ETV1: variants seen among roughly 807,000 people sequenced by gnomAD.
The protein encoded by ETV1 is ETS translocation variant 1.
In ETV1, 27 loss-of-function variants were observed where a neutral mutation model predicts 62.3. The observed-to-expected ratio is 0.43, with a 90% confidence interval of 0.32 to 0.60. The LOEUF (loss-of-function observed/expected upper bound fraction) is 0.60, where lower values mean the gene tolerates loss of function less well. Ranked by LOEUF, ETV1 falls within the 20% of genes least tolerant of loss-of-function variation. The probability of loss-of-function intolerance (pLI) is 0.06; values close to 1 mark genes in which losing one functional copy is unlikely to be tolerated. For synonymous variants in ETV1, 222 were observed against 199.6 expected, an observed-to-expected ratio of 1.11 and a Z score of -0.94; for missense variants, 605 against 605.8, an observed-to-expected ratio of 1.00 and a Z score of 0.01.
chr7:13,945,739 G>C (rs1292800700), intron 6 of ETV1, among the ~76,000 whole-genome samples: 1 of 152,174 alleles, frequency 6.6e-6, no homozygotes, highest in Non-Finnish European at 1.5e-5. Flanking sequence ...TCATCACAGG[G>C]CTGAGAATCT....
intron 12 of ETV1, among the ~76,000 whole-genome samples, chr7:13,901,496 T>C (rs1318108372): frequency 4.6e-5 from 7 of 152,280 alleles, no homozygotes; most frequent in Non-Finnish European, 1.0e-4. Flanking sequence ...TTTATCCTTC[T>C]TGGTTTTTCA....
At chr7:13,896,350 G>A (rs1781772929) in intron 13 of ETV1, among the ~76,000 whole-genome samples, 1 of 152,050 alleles carries the variant, frequency 6.6e-6, no homozygotes, top group African/African-American at 2.4e-5. Context: ...GGAAGCACAG[G>A]AATTTGCTTG....
intron 6 of ETV1, among the ~76,000 whole-genome samples, chr7:13,953,621 TCCTGGCTACTGAGTGACTATGAAGACA>T: frequency 6.6e-6 from 1 of 151,356 alleles, no homozygotes; most frequent in African/African-American, 2.4e-5. Context: ...AGGTGCTTTG[TCCTGGCTACTGAGTGACTATGAAGACA>T]GGTTCTTCCC....
At chr7:13,916,337 A>T (rs943456852) in intron 9 of ETV1, among the ~76,000 whole-genome samples, 2 of 152,140 alleles carry the variant, frequency 1.3e-5, no homozygotes, top group Non-Finnish European at 2.9e-5. Context: ...AAATCTTAAA[A>T]AAAAGAGAGA....
chr7:13,906,025 G>T (rs1782919459), intron 12 of ETV1, among the ~76,000 whole-genome samples: 5 of 152,076 alleles, frequency 3.3e-5, no homozygotes, highest in African/African-American at 1.2e-4. Flanking sequence ...AATAATGATT[G>T]CTAATTTGAA....
At chr7:13,906,342 A>G in intron 12 of ETV1, 88 bp downstream of exon 12, 1 of 871,758 alleles carries the variant, frequency 1.1e-6, no homozygotes, top group Non-Finnish European at 1.6e-6. Flanking sequence ...AATGATTAAG[A>G]ATACATTTTT....
chr7:13,914,519 A>C (rs1783929896), intron 9 of ETV1, among the ~76,000 whole-genome samples: 1 of 152,094 alleles, frequency 6.6e-6, no homozygotes, highest in Non-Finnish European at 1.5e-5. Context: ...AGTTAAGAAG[A>C]ATAATAAACT....
chr7:13,988,955 C>G, intron 3 of ETV1, 53 bp downstream of exon 3: 1 of 1,530,726 alleles, frequency 6.5e-7, no homozygotes, highest in South Asian at 1.2e-5. Flanking sequence ...TCCCTCTCCC[C>G]ACCCCCGACG....
intron 6 of ETV1, among the ~76,000 whole-genome samples, chr7:13,950,241 C>G (rs1389068765): frequency 1.3e-5 from 2 of 152,096 alleles, no homozygotes; most frequent in Admixed American, 6.6e-5. Flanking sequence ...AATATGCCCC[C>G]ACCTTGCTTC....
intron 6 of ETV1, among the ~76,000 whole-genome samples, chr7:13,974,381 G>C (rs77613167): frequency 0.12 from 17,733 of 152,236 alleles, 1,197 homozygotes; most frequent in South Asian, 0.19. Context: ...GACAGTCAAG[G>C]CTTCGGTTGT....
At chr7:13,936,023 G>T (rs190786534) in intron 7 of ETV1, 127 bp from the exon 8 acceptor site, 13 of 724,462 alleles carry the variant, frequency 1.8e-5, no homozygotes, top group Non-Finnish European at 2.5e-5. Context: ...CTTTGTTGTT[G>T]CTATTGTTGT....
chr7:13,970,260 C>CAA (rs1226819391), intron 6 of ETV1, among the ~76,000 whole-genome samples: 3 of 113,342 alleles, frequency 2.6e-5, no homozygotes, highest in Admixed American at 9.4e-5. Flanking sequence ...GACCCCATCT[C>CAA]AAAACACACA....
intron 8 of ETV1, among the ~76,000 whole-genome samples, chr7:13,933,916 G>A (rs1208633695): frequency 6.6e-6 from 1 of 152,128 alleles, no homozygotes; most frequent in African/African-American, 2.4e-5. Flanking sequence ...CTAAAACCAG[G>A]CACACTGCTT....
chr7:13,923,116 T>C (rs1785040005), intron 9 of ETV1, among the ~76,000 whole-genome samples: 1 of 152,218 alleles, frequency 6.6e-6, no homozygotes, highest in South Asian at 2.1e-4. Context: ...TTTAGTCAGT[T>C]GATTGAGGCT....
At chr7:13,977,388 A>G in intron 6 of ETV1, 39 bp downstream of exon 6, 2 of 1,366,666 alleles carry the variant, frequency 1.5e-6, no homozygotes, top group Non-Finnish European at 2.0e-6. Context: ...GAAACCAGAA[A>G]GACAGAAAAA....
At chr7:13,935,290 T>C (rs1786675307) in intron 8 of ETV1, among the ~76,000 whole-genome samples, 1 of 152,204 alleles carries the variant, frequency 6.6e-6, no homozygotes, top group Non-Finnish European at 1.5e-5. Context: ...TATGTACAGC[T>C]GAACCATTCA....
intron 4 of ETV1, 41 bp from the exon 5 acceptor site, chr7:13,986,726 T>C: frequency 7.2e-7 from 1 of 1,382,446 alleles, no homozygotes. Flanking sequence ...GATTTGCAAA[T>C]CTTTAATCTT....
At chr7:13,924,933 A>C (rs1449709569) in intron 9 of ETV1, among the ~76,000 whole-genome samples, 2 of 127,308 alleles carry the variant, frequency 1.6e-5, no homozygotes, top group Non-Finnish European at 3.2e-5. Flanking sequence ...TTTGCTGTCA[A>C]AGAGTTACGT....
chr7:13,928,122 T>C (rs1391082291), intron 9 of ETV1, among the ~76,000 whole-genome samples: 2 of 152,206 alleles, frequency 1.3e-5, no homozygotes, highest in Non-Finnish European at 2.9e-5. Context: ...TGACTGGCTC[T>C]GAAGTCCATA....
Sources: gnomAD v4.1 joint callset for allele counts (sites outside exome capture counted in the v4.1 genomes callset) on GRCh38, gnomAD v4.1.1 for gene constraint, MANE v1.5 for transcripts, NCBI Gene and HGNC (gene_info 2026-07-23, HGNC 2026-07-21) for gene names.